The following RALYL variants were observed in gnomAD, a reference collection of about 807,000 sequenced individuals.
The protein encoded by RALYL is RALY RNA binding protein like.
In RALYL, 29 loss-of-function variants were observed where a neutral mutation model predicts 35.1. The observed-to-expected ratio is 0.83, with a 90% confidence interval of 0.61 to 1.13. The LOEUF (loss-of-function observed/expected upper bound fraction) is 1.13. Ranked by LOEUF, RALYL falls within the 50% of genes most tolerant of loss-of-function variation. The pLI is 0.00. For synonymous variants in RALYL, 120 were observed against 127.6 expected (o/e 0.94, Z 0.40); for missense variants, 359 against 360.4 (o/e 1.00, Z 0.03).
intron 1 of RALYL, among the ~76,000 whole-genome samples, chr8:84,190,283 A>G (rs560210525): frequency 7.2e-5 from 11 of 152,326 alleles, no homozygotes; most frequent in African/African-American, 2.4e-4. Flanking sequence ...TGTATGTGAC[A>G]TTTATCAAGC....
chr8:84,491,116 G>A (rs1341522304), intron 1 of RALYL, among the ~76,000 whole-genome samples: 2 of 151,712 alleles, frequency 1.3e-5, no homozygotes, highest in African/African-American at 4.8e-5. Flanking sequence ...TATTAAAAAT[G>A]AAAAAATGAC....
intron 2 of RALYL, among the ~76,000 whole-genome samples, chr8:84,605,635 A>C (rs73294071): frequency 6.6e-6 from 1 of 152,062 alleles, no homozygotes; most frequent in Non-Finnish European, 1.5e-5. Context: ...CATTGTGTAC[A>C]TTGGGTCTAT....
At chr8:84,525,960 T>TC (rs1352011365) in intron 1 of RALYL, among the ~76,000 whole-genome samples, 3 of 127,692 alleles carry the variant, frequency 2.3e-5, no homozygotes, top group Middle Eastern at 3.7e-3. Context: ...TTTCTTTTTT[T>TC]TTTTTTTTTT....
rs1021242507 is a variant in RALYL at position 84,555,217 on chromosome 8, T to G, written c.256+25640T>G. 3.3e-5 allele frequency among the ~76,000 whole-genome samples: 5 copies of G among 152,168 alleles called. No individual in the cohort carries two copies. The East Asian group carries it at 9.6e-4, about 29-fold the overall frequency. ...TCGCTTGAACCCGGGAGGCAGAGGT[T>G]GCAGTGAGCCGAGATCATGCCACTG... On this transcript the variant is annotated intron_variant, in intron 2 of 8. Transcript: ENST00000521268.
At chr8:84,644,832 A>G (rs1827141675) in intron 2 of RALYL, among the ~76,000 whole-genome samples, 1 of 151,302 alleles carries the variant, frequency 6.6e-6, no homozygotes, top group Non-Finnish European at 1.5e-5. Context: ...GCTCACTGCA[A>G]CCTCCACCTC....
chr8:84,407,191 T>C (rs2043624947), intron 1 of RALYL, among the ~76,000 whole-genome samples: 1 of 152,060 alleles, frequency 6.6e-6, no homozygotes, highest in African/African-American at 2.4e-5. Context: ...TGGGTTTAGT[T>C]TGAGTGTGAA....
chr8:84,805,513 G>A (rs987089043), intron 4 of RALYL, among the ~76,000 whole-genome samples: 1 of 152,064 alleles, frequency 6.6e-6, no homozygotes, highest in Non-Finnish European at 1.5e-5. Flanking sequence ...GTGAAACTCT[G>A]TCTCTATTAA....
intron 1 of RALYL, among the ~76,000 whole-genome samples, chr8:84,411,509 G>A (rs1349921344): frequency 6.7e-6 from 1 of 150,286 alleles, no homozygotes; most frequent in Non-Finnish European, 1.5e-5. Context: ...TTTTTTTCCT[G>A]GTTTTGTTCT....
At chr8:84,296,620 T>C (rs1371857849) in intron 1 of RALYL, among the ~76,000 whole-genome samples, 3 of 142,848 alleles carry the variant, frequency 2.1e-5, no homozygotes, top group Non-Finnish European at 4.5e-5. Context: ...TTCTCTCTCT[T>C]GCATTTTTTT....
At chr8:84,660,633 G>T (rs1219399167) in intron 2 of RALYL, among the ~76,000 whole-genome samples, 10 of 150,392 alleles carry the variant, frequency 6.6e-5, no homozygotes, top group African/African-American at 2.2e-4. Flanking sequence ...AATTTTTTTT[G>T]CTTTTCCCCA....
intron 1 of RALYL, among the ~76,000 whole-genome samples, chr8:84,490,082 T>TGTGC (rs2055106924): frequency 2.3e-5 from 1 of 42,576 alleles, no homozygotes; most frequent in Non-Finnish European, 5.0e-5. Flanking sequence ...TGCGTGCATG[T>TGTGC]GTGTGTGTGT....
At chr8:84,506,144 T>G (rs1055517962) in intron 1 of RALYL, among the ~76,000 whole-genome samples, 3 of 152,112 alleles carry the variant, frequency 2.0e-5, no homozygotes, top group Admixed American at 1.3e-4. Flanking sequence ...TAGGTCACCA[T>G]GCTGTCAGTA....
chr8:84,461,815 A>C (rs984837177), intron 1 of RALYL, among the ~76,000 whole-genome samples: 3 of 151,702 alleles, frequency 2.0e-5, no homozygotes, highest in Non-Finnish European at 3.0e-5. Flanking sequence ...ATAAGTCTTC[A>C]TCCCCCTTCC....
intron 1 of RALYL, among the ~76,000 whole-genome samples, chr8:84,192,271 G>A (rs189308190): frequency 4.4e-4 from 67 of 152,290 alleles, no homozygotes; most frequent in Middle Eastern, 3.4e-3. Flanking sequence ...AATGCATAAG[G>A]TGAGGTATTC....
chr8:84,694,115 T>C (rs894526144), intron 2 of RALYL, among the ~76,000 whole-genome samples: 4 of 151,802 alleles, frequency 2.6e-5, no homozygotes, highest in African/African-American at 9.7e-5. Flanking sequence ...GCCAAAGCAA[T>C]TGGGTAAGAC....
At chr8:84,724,515 A>G (rs1844585466) in intron 2 of RALYL, among the ~76,000 whole-genome samples, 1 of 151,848 alleles carries the variant, frequency 6.6e-6, no homozygotes, top group Non-Finnish European at 1.5e-5. Context: ...CTTTAAAAGT[A>G]CCATCTTTGA....
chr8:84,882,966 T>C (rs968966163), intron 7 of RALYL, among the ~76,000 whole-genome samples: 4 of 152,096 alleles, frequency 2.6e-5, no homozygotes, highest in Admixed American at 6.6e-5. Context: ...ACCAACAGTT[T>C]AATAAAGAAG....
At chr8:84,580,924 C>T (rs1345796502) in intron 2 of RALYL, among the ~76,000 whole-genome samples, 1 of 152,100 alleles carries the variant, frequency 6.6e-6, no homozygotes, top group Non-Finnish European at 1.5e-5. Flanking sequence ...CTGGGAATGG[C>T]TCAATATCTG....
chr8:84,229,908 A>G (rs1351987919), intron 1 of RALYL, among the ~76,000 whole-genome samples: 1 of 152,176 alleles, frequency 6.6e-6, no homozygotes, highest in Non-Finnish European at 1.5e-5. Flanking sequence ...AATATAGGAT[A>G]AGAAGATTGC....
Sources: gnomAD v4.1 joint callset for allele counts (sites outside exome capture counted in the v4.1 genomes callset) on GRCh38, gnomAD v4.1.1 for gene constraint, MANE v1.5 for transcripts, NCBI Gene and HGNC (gene_info 2026-07-23, HGNC 2026-07-21) for gene names.